DCC: variants seen among roughly 807,000 people sequenced by gnomAD.
DCC encodes DCC netrin 1 receptor, also known as netrin receptor DCC.
DCC carries 58 observed loss-of-function variants against 172.5 expected under a neutral mutation model. The observed-to-expected ratio is 0.34, with a 90% confidence interval of 0.27 to 0.42. The LOEUF is 0.42. Ranked by LOEUF, DCC falls within the 10% of genes least tolerant of loss-of-function variation. The pLI, the probability that DCC is intolerant of heterozygous loss-of-function variation, is 1.00. For missense variants in DCC, 1,740 were observed against 1,791.0 expected (o/e 0.97, Z 0.51); for synonymous variants, 709 against 644.5 (o/e 1.10, Z -1.52).
intron 1 of DCC, among the ~76,000 whole-genome samples, chr18:52,469,654 G>A (rs1205785305): frequency 6.6e-6 from 1 of 152,098 alleles, no homozygotes; most frequent in South Asian, 2.1e-4. Flanking sequence ...ACTTAGGTTG[G>A]TATATTAATC....
At chr18:52,890,464 C>G (rs2039632091) in intron 2 of DCC, among the ~76,000 whole-genome samples, 1 of 152,120 alleles carries the variant, frequency 6.6e-6, no homozygotes, top group Admixed American at 6.6e-5. Context: ...CCGCCTAAAA[C>G]AGCTCACTAT....
intron 1 of DCC, among the ~76,000 whole-genome samples, chr18:52,633,112 CTTCCT>C (rs79476075): frequency 0.24 from 34,475 of 141,806 alleles, 4,679 homozygotes; most frequent in East Asian, 0.54. Context: ...CTTTCTCTTT[CTTCCT>C]TTCCTTTCCT....
intron 1 of DCC, among the ~76,000 whole-genome samples, chr18:52,438,212 CT>C (rs1467133709): frequency 2.0e-5 from 3 of 152,182 alleles, no homozygotes; most frequent in Admixed American, 6.5e-5. Context: ...GGGTTCTCAA[CT>C]GGGTTCTCGA....
chr18:53,215,536 G>C lies in DCC; in HGVS notation c.1862-12G>C, dbSNP rs1159156246. ...TGGCAGTAACTGTGACAATTTGTTT[G>C]ATTCCTTTTAGTGCCAAGTGCCCCG... On this transcript the variant is annotated splice_polypyrimidine_tract_variant and intron_variant, in intron 11 of 28. Coordinates refer to ENST00000442544, the MANE Select transcript of DCC (RefSeq NM_005215.4). 2 of 1,612,614 alleles carry C rather than the reference G, an allele frequency of 1.2e-6. No homozygotes were observed. The highest frequency in any genetic ancestry group is 1.7e-5 in the Admixed American group (1 of 59,962).
chr18:52,606,601 G>C (rs1018383976), intron 1 of DCC, among the ~76,000 whole-genome samples: 2 of 152,112 alleles, frequency 1.3e-5, no homozygotes, highest in African/African-American at 4.8e-5. Flanking sequence ...TATGAACTAG[G>C]ATTCAATTCA....
At chr18:52,719,079 G>A (rs1315714696) in intron 1 of DCC, among the ~76,000 whole-genome samples, 1 of 151,988 alleles carries the variant, frequency 6.6e-6, no homozygotes, top group Non-Finnish European at 1.5e-5. Context: ...GCTTGTAGCT[G>A]CATCACTCCA....
chr18:53,166,565 C>T (rs924523967), intron 8 of DCC, among the ~76,000 whole-genome samples: 3 of 152,110 alleles, frequency 2.0e-5, no homozygotes, highest in Admixed American at 1.3e-4. Context: ...TCTGTTTCAC[C>T]CCAACTCCCA....
chr18:53,040,096 G>T (rs866211733), intron 5 of DCC, among the ~76,000 whole-genome samples: 2 of 151,860 alleles, frequency 1.3e-5, no homozygotes, highest in African/African-American at 4.8e-5. Context: ...TAAATGCAGG[G>T]TGTGAAAAAA....
At chr18:52,711,781 T>C (rs2036295899) in intron 1 of DCC, among the ~76,000 whole-genome samples, 2 of 152,176 alleles carry the variant, frequency 1.3e-5, no homozygotes, top group Non-Finnish European at 1.5e-5. Flanking sequence ...CTTGTGGTAA[T>C]AGCATGGCAT....
At position 53,527,111 on chromosome 18, in the gene DCC, G is replaced by A. The variant is rs1286335607; in HGVS notation, c.4254+352G>A. On this transcript the variant is annotated intron_variant, in intron 28 of 28. Coordinates refer to ENST00000442544, the MANE Select transcript of DCC (RefSeq NM_005215.4). ...GATACGTGTGTGTGTGTGTGTGTGT[G>A]TGTGTGTGTGTGTGTGTGTGTGTGT... 7.9e-5 allele frequency among the ~76,000 whole-genome samples: 12 copies of A among 150,968 alleles called. No homozygotes were observed. The South Asian group carries it at 2.5e-3, about 32-fold the overall frequency.
intron 5 of DCC, among the ~76,000 whole-genome samples, chr18:53,022,539 A>ATGTGTG (rs147745217): frequency 0.016 from 1,833 of 117,704 alleles, 30 homozygotes; most frequent in African/African-American, 0.036. Flanking sequence ...TTATATATAT[A>ATGTGTG]TGTGCGTGTG....
At chr18:53,060,983 TA>T (rs2042487818) in intron 5 of DCC, among the ~76,000 whole-genome samples, 2 of 152,160 alleles carry the variant, frequency 1.3e-5, no homozygotes, top group Admixed American at 6.6e-5. Context: ...TAAACAGACA[TA>T]CCACATTTAT....
In DCC at chr18:52,906,217, G is replaced by A. The variant is rs2039879518; in HGVS notation, c.586G>A (p.Ala196Thr). ...DSRVVVLPSG[A>T]LQISRLQPGD... ...CCGAGTGGTGGTCTTGCCCTCTGGA[G>A]CATTGCAGATCAGCCGACTCCAACC... Residue 196 changes from alanine to threonine, a missense_variant, in exon 3 of 29, where the codon GCA becomes ACA. Physicochemically the swap from Ala to Thr is moderately conservative, Grantham distance 58 (BLOSUM62 0). This residue lies in a region of DCC where 1,732 missense variants were observed against 1,767.4 expected (regional missense o/e 0.98). Transcript: ENST00000442544. 4 of 1,613,766 alleles carry A rather than the reference G, an allele frequency of 2.5e-6. No individual in the cohort carries two copies. The highest frequency in any genetic ancestry group is 1.3e-5 in the African/African-American group (1 of 74,884).
At chr18:53,457,537 TAGAA>T (rs1463988843) in intron 23 of DCC, among the ~76,000 whole-genome samples, 5 of 152,196 alleles carry the variant, frequency 3.3e-5, no homozygotes, top group Non-Finnish European at 7.4e-5. Flanking sequence ...TTTGATCTTC[TAGAA>T]AGAGAGATAA....
chr18:52,837,981 C>G (rs1280321725), intron 2 of DCC, among the ~76,000 whole-genome samples: 1 of 152,072 alleles, frequency 6.6e-6, no homozygotes, highest in Non-Finnish European at 1.5e-5. Context: ...AAGGGGGAAG[C>G]CCTTTATAAA....
intron 1 of DCC, among the ~76,000 whole-genome samples, chr18:52,643,932 A>G (rs1424554590): frequency 6.7e-6 from 1 of 148,640 alleles, no homozygotes; most frequent in African/African-American, 2.5e-5. Context: ...ATGCAGAAGA[A>G]ATTAATAGTC....
At chr18:53,217,064 T>A (rs2055862804) in intron 12 of DCC, among the ~76,000 whole-genome samples, 1 of 152,074 alleles carries the variant, frequency 6.6e-6, no homozygotes, top group Non-Finnish European at 1.5e-5. Flanking sequence ...CAGGACAGAA[T>A]ATAGAAATTG....
At chr18:52,387,606 C>CCTTT (rs1985859695) in intron 1 of DCC, among the ~76,000 whole-genome samples, 1 of 150,562 alleles carries the variant, frequency 6.6e-6, no homozygotes, top group Non-Finnish European at 1.5e-5. Flanking sequence ...TTCCTTCCTT[C>CCTTT]CTTCCTTCCT....
chr18:52,455,466 C>CA (rs1169485013), intron 1 of DCC, among the ~76,000 whole-genome samples: 1 of 152,218 alleles, frequency 6.6e-6, no homozygotes, highest in Non-Finnish European at 1.5e-5. Flanking sequence ...CTCTGTCACT[C>CA]ACCAGCTACA....
Sources: allele counts gnomAD v4.1 joint callset (sites outside exome capture counted in the v4.1 genomes callset), GRCh38; gene constraint gnomAD v4.1.1; regional missense constraint gnomAD v4.1.1; transcripts MANE v1.5; gene names NCBI Gene and HGNC (gene_info 2026-07-23, HGNC 2026-07-21).